The following APC variants were observed in gnomAD, a reference collection of about 807,000 sequenced individuals.
The protein encoded by APC is APC regulator of Wnt signaling pathway.
A neutral mutation model predicts 247.0 loss-of-function variants in APC; 72 were observed. That is an observed-to-expected ratio of 0.29 (90% CI 0.24 to 0.35). APC has a LOEUF of 0.35. Ranked by LOEUF, APC falls within the 10% of genes least tolerant of loss-of-function variation. APC has a pLI of 1.00. For synonymous variants in APC, 1,254 were observed against 1,162.5 expected (o/e 1.08, Z -1.60); for missense variants, 3,400 against 3,360.7 (o/e 1.01, Z -0.29).
chr5:112,723,863 C>T (rs559244905), intron 1 of APC, among the ~76,000 whole-genome samples: 1 of 152,086 alleles, frequency 6.6e-6, no homozygotes, highest in Non-Finnish European at 1.5e-5. Flanking sequence ...CTACTCTTTG[C>T]CAAGCAATTA....
At chr5:112,727,818 A>G (rs530173131) in intron 1 of APC, among the ~76,000 whole-genome samples, 126 of 152,274 alleles carry the variant, frequency 8.3e-4, no homozygotes, top group African/African-American at 2.8e-3. Flanking sequence ...TTTGTATTGT[A>G]AAATTGTACT....
chr5:112,827,561 A>G (rs1426030590), intron 12 of APC, among the ~76,000 whole-genome samples: 1 of 152,240 alleles, frequency 6.6e-6, no homozygotes, highest in Non-Finnish European at 1.5e-5. Flanking sequence ...GTAGAATTAA[A>G]AAATAAAAGA....
In APC at chr5:112,768,209, A is replaced by G. The variant is rs537913739; in HGVS notation, c.422+819A>G. ...CAGGCATGTGCCACCACGCCTGGCTAATTTTATATTTTGAGTAGAGACAGT... is the reference window on the plus strand; with the variant it reads ...CAGGCATGTGCCACCACGCCTGGCTGATTTTATATTTTGAGTAGAGACAGT... On this transcript the variant is annotated intron_variant, in intron 4 of 15. Transcript: ENST00000257430. Among the ~76,000 whole-genome samples, 8 of 152,030 alleles carry G rather than the reference A, an allele frequency of 5.3e-5. No individual in the cohort carries two copies. The East Asian group carries it at 1.5e-3, about 29-fold the overall frequency.
Position 112,794,363 on chromosome 5 carries a change from A to G in APC, c.729+1834A>G, listed in dbSNP as rs1036228277. Among the ~76,000 whole-genome samples the G allele has an allele frequency of 2.0e-5, 3 of 152,202 alleles. No homozygotes were observed. The South Asian group carries it at 6.2e-4, about 32-fold the overall frequency. ...TCCAAAGTGTGGGATTACAGGCGTG[A>G]GCCACTGCGCCTGACCCCTGTTAAA... On this transcript the variant is annotated intron_variant, in intron 7 of 15. Coordinates refer to ENST00000257430, the MANE Select transcript of APC (RefSeq NM_000038.6).
intron 1 of APC, chr5:112,738,201 GA>G: frequency 1.2e-6 from 1 of 865,622 alleles, no homozygotes; most frequent in African/African-American, 1.8e-5. Context: ...TTTGAAGCCA[GA>G]AGGGGTTTTT....
intron 1 of APC, among the ~76,000 whole-genome samples, chr5:112,724,712 GA>G (rs1461454627): frequency 6.6e-6 from 1 of 152,106 alleles, no homozygotes; most frequent in African/African-American, 2.4e-5. Context: ...TTATCTAGGT[GA>G]AAAAGCAGAT....
chr5:112,761,993 G>A (rs898188255), intron 2 of APC, among the ~76,000 whole-genome samples: 1 of 152,064 alleles, frequency 6.6e-6, no homozygotes, highest in African/African-American at 2.4e-5. Flanking sequence ...CTGACCAAAG[G>A]CTCAGTTCAG....
intron 1 of APC, among the ~76,000 whole-genome samples, chr5:112,721,065 G>A (rs1751458728): frequency 6.6e-6 from 1 of 152,158 alleles, no homozygotes; most frequent in African/African-American, 2.4e-5. Context: ...GTGAGGGAAT[G>A]TTGAATTTGG....
In APC at chr5:112,840,872, C is replaced by T. The variant is rs1765908843; in HGVS notation, c.5278C>T (p.Pro1760Ser). ...VQQASASSSA[P>S]NKNQLDGKKK... Reference sequence around the variant, plus strand: ...GCAAGCATCTGCGTCTTCTTCTGCACCCAACAAAAATCAGTTAGATGGTAA... The same window carrying T: ...GCAAGCATCTGCGTCTTCTTCTGCATCCAACAAAAATCAGTTAGATGGTAA... Residue 1760 changes from proline (P) to serine (S), a missense_variant, in exon 16 of 16, where the codon CCC becomes TCC. Physicochemically the swap from Pro to Ser is moderately conservative, Grantham distance 74. Around this residue, in one of 9 missense-constraint regions of APC, gnomAD observed 1,788 missense variants for 1,649.5 expected, o/e 1.08. Transcript: ENST00000257430. The surrounding 1 kb of genome is among the most constrained non-coding windows in gnomAD (Gnocchi z 4.1). The T allele has an allele frequency of 6.2e-7, 1 of 1,613,938 alleles. No individual in the cohort carries two copies. The highest frequency in any genetic ancestry group is 2.2e-5 in the East Asian group (1 of 44,882).
chr5:112,803,480 T>A, intron 8 of APC, among the ~76,000 whole-genome samples: 1 of 152,204 alleles, frequency 6.6e-6, no homozygotes, highest in East Asian at 1.9e-4. Context: ...ACTAGCTTAG[T>A]AACAAAAAGT....
intron 8 of APC, among the ~76,000 whole-genome samples, chr5:112,807,149 A>C (rs1328423662): frequency 6.6e-6 from 1 of 151,830 alleles, no homozygotes; most frequent in Non-Finnish European, 1.5e-5. Flanking sequence ...AAAAAAAAAA[A>C]AAACGTAAAA....
intron 1 of APC, among the ~76,000 whole-genome samples, chr5:112,740,369 ATGAC>A (rs1289180197): frequency 6.6e-6 from 1 of 152,246 alleles, no homozygotes; most frequent in Non-Finnish European, 1.5e-5. Flanking sequence ...TATCTAATCT[ATGAC>A]TGACCTATTG....
At chr5:112,749,053 C>T (rs1243899024) in intron 1 of APC, among the ~76,000 whole-genome samples, 1 of 152,090 alleles carries the variant, frequency 6.6e-6, no homozygotes, top group Non-Finnish European at 1.5e-5. Context: ...AAAGTTTTTT[C>T]TTTGTCTAAG....
intron 1 of APC, among the ~76,000 whole-genome samples, chr5:112,748,159 G>A (rs1388567685): frequency 1.3e-5 from 2 of 152,110 alleles, no homozygotes; most frequent in Admixed American, 6.5e-5. Context: ...ACGTGGTATG[G>A]GCTTGGATAG....
chr5:112,771,322 A>C (rs1401199217), intron 4 of APC, among the ~76,000 whole-genome samples: 1 of 152,080 alleles, frequency 6.6e-6, no homozygotes, highest in African/African-American at 2.4e-5. Flanking sequence ...TTCATAAATA[A>C]ATTTTTATTG....
chr5:112,719,834 C>A (rs773043259), intron 1 of APC, among the ~76,000 whole-genome samples: 1 of 152,216 alleles, frequency 6.6e-6, no homozygotes. Context: ...TGCGCCACTG[C>A]GCCCAGCCAA....
chr5:112,799,406 ACT>A (rs1169568964), intron 7 of APC, among the ~76,000 whole-genome samples: 5 of 151,152 alleles, frequency 3.3e-5, no homozygotes, highest in Non-Finnish European at 7.4e-5. Context: ...CTCTTCCTCC[ACT>A]CCCCATATCC....
intron 1 of APC, among the ~76,000 whole-genome samples, chr5:112,741,850 C>A (rs1015269013): frequency 1.3e-5 from 2 of 152,060 alleles, no homozygotes; most frequent in Non-Finnish European, 2.9e-5. Flanking sequence ...ATTCTGGGAA[C>A]CTCTAATAAG....
intron 4 of APC, among the ~76,000 whole-genome samples, chr5:112,772,818 C>A (rs1757208895): frequency 6.6e-6 from 1 of 152,196 alleles, no homozygotes; most frequent in African/African-American, 2.4e-5. Flanking sequence ...TGCCTGGCCC[C>A]AACTCTTATT....
Sources: gnomAD v4.1 joint callset for allele counts (sites outside exome capture counted in the v4.1 genomes callset) on GRCh38, gnomAD v4.1.1 for gene constraint, gnomAD v4.1.1 regional missense constraint, Gnocchi (gnomAD v3.1) non-coding constraint, MANE v1.5 for transcripts, NCBI Gene and HGNC (gene_info 2026-07-23, HGNC 2026-07-21) for gene names.